The following SMAP1 variants were observed in gnomAD, a reference collection of about 807,000 sequenced individuals.
SMAP1 encodes stromal membrane-associated protein 1.
In SMAP1, 24 loss-of-function variants were observed where a neutral mutation model predicts 58.5. That is an observed-to-expected ratio of 0.41 (90% CI 0.30 to 0.58). The LOEUF (loss-of-function observed/expected upper bound fraction) is 0.58, where lower values mean the gene tolerates loss of function less well. Ranked by LOEUF, SMAP1 falls within the 20% of genes least tolerant of loss-of-function variation. The pLI is 0.29. For missense variants in SMAP1, 563 were observed against 566.3 expected (o/e 0.99, Z 0.06); for synonymous variants, 216 against 196.6 (o/e 1.10, Z -0.82).
rs1770182250 is a variant in SMAP1, at chr6:70,827,433, T to C, written c.577-9508T>C. Among the ~76,000 whole-genome samples the C allele has an allele frequency of 2.0e-5, 3 of 152,330 alleles. No homozygotes were observed. The South Asian group carries it at 6.2e-4, about 32-fold the overall frequency. On this transcript the variant is annotated intron_variant, in intron 6 of 10. Coordinates refer to ENST00000370455, the MANE Select transcript of SMAP1 (RefSeq NM_001044305.3). Reference sequence around the variant, plus strand: ...TGACCAAAGGTCTGGTATGAATTAATGGTCTTCTGTTGCTTTGGAGAAGGT... The same window carrying C: ...TGACCAAAGGTCTGGTATGAATTAACGGTCTTCTGTTGCTTTGGAGAAGGT...
intron 1 of SMAP1, among the ~76,000 whole-genome samples, chr6:70,669,411 A>G (rs1484490050): frequency 6.6e-6 from 1 of 152,256 alleles, no homozygotes; most frequent in African/African-American, 2.4e-5. Flanking sequence ...AATTACTAGA[A>G]GAATCATGCG....
At chr6:70,776,748 C>A (rs1767563417) in intron 4 of SMAP1, among the ~76,000 whole-genome samples, 1 of 152,158 alleles carries the variant, frequency 6.6e-6, no homozygotes, top group Admixed American at 6.5e-5. Context: ...TGGCATTTAT[C>A]CTTCTGTGCC....
intron 3 of SMAP1, among the ~76,000 whole-genome samples, chr6:70,767,013 C>G (rs1022770477): frequency 3.9e-5 from 6 of 151,940 alleles, no homozygotes; most frequent in Non-Finnish European, 7.4e-5. Context: ...AATCCTTTCC[C>G]CATTGCTTGT....
chr6:70,682,189 T>TG (rs1766742124), intron 1 of SMAP1, among the ~76,000 whole-genome samples: 6 of 130,048 alleles, frequency 4.6e-5, no homozygotes, highest in Non-Finnish European at 8.5e-5. Flanking sequence ...TTTTTTTTTT[T>TG]TTTTTTTTTT....
chr6:70,785,644 C>G (rs960784469), intron 4 of SMAP1, among the ~76,000 whole-genome samples: 7 of 152,170 alleles, frequency 4.6e-5, no homozygotes, highest in African/African-American at 9.7e-5. Flanking sequence ...CACAGAAATA[C>G]AAACTACCAT....
intron 5 of SMAP1, among the ~76,000 whole-genome samples, chr6:70,795,717 C>T (rs992359076): frequency 4.6e-5 from 7 of 151,820 alleles, no homozygotes; most frequent in African/African-American, 7.3e-5. Context: ...GGGAGCAACT[C>T]ATTCTCAACA....
chr6:70,823,544 G>A (rs1769985329), intron 6 of SMAP1, among the ~76,000 whole-genome samples: 1 of 152,094 alleles, frequency 6.6e-6, no homozygotes, highest in African/African-American at 2.4e-5. Context: ...TTGTCTGTTG[G>A]TATTCATGGG....
intron 1 of SMAP1, chr6:70,694,255 C>A: frequency 4.7e-6 from 1 of 212,778 alleles, no homozygotes; most frequent in South Asian, 7.2e-5. Context: ...ACTGGCAACA[C>A]AATAATTCTC....
intron 10 of SMAP1, chr6:70,859,219 A>G: frequency 1.5e-6 from 1 of 678,662 alleles, no homozygotes; most frequent in Non-Finnish European, 2.4e-6. Flanking sequence ...GAATCTAAAA[A>G]ATTGTATGTG....
intron 1 of SMAP1, among the ~76,000 whole-genome samples, chr6:70,688,999 T>C (rs955975198): frequency 6.6e-6 from 1 of 152,088 alleles, no homozygotes; most frequent in African/African-American, 2.4e-5. Flanking sequence ...ATATGGATAT[T>C]TGATCCTTTG....
At chr6:70,703,232 A>G (rs967886436) in intron 1 of SMAP1, among the ~76,000 whole-genome samples, 1 of 151,996 alleles carries the variant, frequency 6.6e-6, no homozygotes, top group Non-Finnish European at 1.5e-5. Flanking sequence ...GCCTGCCACC[A>G]TGCTCAACTA....
At chr6:70,755,202 G>T (rs141457397) in intron 3 of SMAP1, 137 bp downstream of exon 3, 1 of 690,132 alleles carries the variant, frequency 1.4e-6, no homozygotes, top group South Asian at 2.2e-5. Context: ...TTGACTTGCT[G>T]TGAGCTGTGC....
At chr6:70,811,698 T>G (rs1014015646) in intron 6 of SMAP1, among the ~76,000 whole-genome samples, 2 of 152,178 alleles carry the variant, frequency 1.3e-5, no homozygotes, top group African/African-American at 4.8e-5. Context: ...AGATTACTTA[T>G]ATAGTAATAC....
intron 4 of SMAP1, among the ~76,000 whole-genome samples, chr6:70,786,115 G>C (rs1194248559): frequency 6.6e-6 from 1 of 152,036 alleles, no homozygotes; most frequent in East Asian, 1.9e-4. Context: ...TGATCAAGTG[G>C]GCTTCATCCC....
intron 1 of SMAP1, among the ~76,000 whole-genome samples, chr6:70,727,286 T>G (rs1768834979): frequency 6.6e-6 from 1 of 152,128 alleles, no homozygotes; most frequent in Admixed American, 6.5e-5. Flanking sequence ...TTTTTGTGTT[T>G]TTAGTAGAGA....
intron 7 of SMAP1, among the ~76,000 whole-genome samples, chr6:70,845,841 G>A (rs1186771990): frequency 6.6e-6 from 1 of 152,194 alleles, no homozygotes; most frequent in East Asian, 1.9e-4. Context: ...GGACAGAGGG[G>A]CGCTGGAGAC....
intron 1 of SMAP1, among the ~76,000 whole-genome samples, chr6:70,718,987 TA>T (rs1768397011): frequency 2.0e-5 from 3 of 152,266 alleles, no homozygotes; most frequent in Admixed American, 2.0e-4. Flanking sequence ...AAGATTATTA[TA>T]AAAACATTTA....
rs545124649 is a variant in SMAP1 at position 70,765,620 on chromosome 6, G to A, written c.339-7730G>A. Among the ~76,000 whole-genome samples, 152 of 152,200 alleles carry A rather than the reference G, an allele frequency of 1.0e-3. 1 individual carries two copies. The highest frequency in any genetic ancestry group is 3.5e-3 in the African/African-American group (145 of 41,542). On this transcript the variant is annotated intron_variant, in intron 3 of 10. Transcript: ENST00000370455. ...AATGAAGTTGAAAAACAACAAATATGATGGGCTTCCTGAGGACTTTCTTAC... is the reference window on the plus strand; with the variant it reads ...AATGAAGTTGAAAAACAACAAATATAATGGGCTTCCTGAGGACTTTCTTAC...
Position 70,860,541 on chromosome 6 carries a change from G to T in SMAP1, c.*207G>T. ...GATAAATCATTTTATGTCAAGGGCA[G>T]CTTTGCTCATATTTCCCATGATTTC... On this transcript the variant is annotated 3_prime_UTR_variant, in exon 11 of 11. Coordinates refer to ENST00000370455, the MANE Select transcript of SMAP1 (RefSeq NM_001044305.3). 2.0e-6 allele frequency: 1 copy of T among 491,968 alleles called. No homozygotes were observed. Among genetic ancestry groups the T allele is most frequent in the Non-Finnish European group, 3.3e-6 (1 of 298,886 alleles). 30.5% of individuals were successfully genotyped at this position (491,968 alleles called of 1,614,324 possible). A position where few individuals can be genotyped will look rare whatever the true frequency, so the allele number is the denominator to read the frequency against.
Sources: gnomAD v4.1 joint callset for allele counts (sites outside exome capture counted in the v4.1 genomes callset) on GRCh38, gnomAD v4.1.1 for gene constraint, MANE v1.5 for transcripts, NCBI Gene and HGNC (gene_info 2026-07-23, HGNC 2026-07-21) for gene names.